Variants in FTCDNL1 observed in about 807,000 individuals in gnomAD.
FTCDNL1 encodes the protein formiminotransferase cyclodeaminase N-terminal like.
A neutral mutation model predicts 5.9 loss-of-function variants in FTCDNL1; 11 were observed. The ratio of observed to expected loss-of-function variants is 1.87; its 90% CI spans 1.18 to 3.10. FTCDNL1 has a LOEUF of 3.10. FTCDNL1 is among the 30% of genes most tolerant of loss of function. The pLI, the probability that FTCDNL1 is intolerant of heterozygous loss-of-function variation, is 0.00. For missense variants in FTCDNL1, 115 were observed against 65.5 expected (o/e 1.76, Z -2.61); for synonymous variants, 58 against 24.8 (o/e 2.34, Z -3.99).
At chr2:199,832,270 T>A (rs1156866080) in intron 3 of FTCDNL1, among the ~76,000 whole-genome samples, 1 of 152,202 alleles carries the variant, frequency 6.6e-6, no homozygotes, top group Non-Finnish European at 1.5e-5. Context: ...TATACTGTAC[T>A]CCATAACTCA....
chr2:199,705,114 T>C, the FTCDNL1 span, among the ~76,000 whole-genome samples: 1 of 152,098 alleles, frequency 6.6e-6, no homozygotes, highest in Non-Finnish European at 1.5e-5. Context: ...CATGGATTGC[T>C]CTAGGAAAGG....
chr2:199,697,521 A>G, the FTCDNL1 span, among the ~76,000 whole-genome samples: 2 of 152,220 alleles, frequency 1.3e-5, no homozygotes, highest in Non-Finnish European at 2.9e-5. Context: ...TTTCATATCC[A>G]GCCAAACTAA....
intron 3 of FTCDNL1, among the ~76,000 whole-genome samples, chr2:199,803,319 C>T (rs927939710): frequency 1.3e-5 from 2 of 151,918 alleles, no homozygotes; most frequent in African/African-American, 4.8e-5. Flanking sequence ...ATAAAACTGC[C>T]ATAGAGGGGT....
the FTCDNL1 span, among the ~76,000 whole-genome samples, chr2:199,676,522 A>T: frequency 6.6e-6 from 1 of 151,854 alleles, no homozygotes; most frequent in Non-Finnish European, 1.5e-5. Flanking sequence ...CCCCCAGTAT[A>T]TTTACACTTA....
intron 4 of FTCDNL1, among the ~76,000 whole-genome samples, chr2:199,815,522 T>C (rs1701298487): frequency 6.6e-6 from 1 of 152,132 alleles, no homozygotes; most frequent in Non-Finnish European, 1.5e-5. Flanking sequence ...GGGAAAAATA[T>C]GTTAGGAAAC....
intron 1 of FTCDNL1, among the ~76,000 whole-genome samples, chr2:199,849,558 A>C (rs1269885004): frequency 6.7e-6 from 1 of 149,516 alleles, no homozygotes; most frequent in Non-Finnish European, 1.5e-5. Context: ...AAATCAGTTT[A>C]AAGTCTTTTT....
chr2:199,826,360 A>G (rs957629767), intron 3 of FTCDNL1, among the ~76,000 whole-genome samples: 1 of 151,730 alleles, frequency 6.6e-6, no homozygotes, highest in East Asian at 1.9e-4. Context: ...CTTAATAGCT[A>G]TTTGGGAGAT....
chr2:199,783,876 T>C (rs1250670608), intron 3 of FTCDNL1, among the ~76,000 whole-genome samples: 1 of 152,128 alleles, frequency 6.6e-6, no homozygotes, highest in Admixed American at 6.5e-5. Flanking sequence ...TTTTGTATCA[T>C]GTTCAACCAT....
At chr2:199,727,479 A>G in the FTCDNL1 span, among the ~76,000 whole-genome samples, 1 of 152,188 alleles carries the variant, frequency 6.6e-6, no homozygotes, top group Non-Finnish European at 1.5e-5. Flanking sequence ...CTAACAGGGT[A>G]GCACAGTCAC....
chr2:199,691,160 CTTAT>C, the FTCDNL1 span, among the ~76,000 whole-genome samples: 2 of 152,120 alleles, frequency 1.3e-5, no homozygotes, highest in Admixed American at 6.5e-5. Flanking sequence ...CCAATTTTTA[CTTAT>C]TTATTTATTT....
intron 3 of FTCDNL1, among the ~76,000 whole-genome samples, chr2:199,801,804 G>T (rs62178292): frequency 6.6e-6 from 1 of 151,514 alleles, no homozygotes; most frequent in Non-Finnish European, 1.5e-5. Flanking sequence ...CAGGCGTAGC[G>T]CCGGGTGCCT....
At chr2:199,807,079 C>T (rs147446533), downstream of FTCDNL1, among the ~76,000 whole-genome samples, 22 of 152,286 alleles carry the variant, frequency 1.4e-4, no homozygotes, top group Admixed American at 5.9e-4. Context: ...AGAAAAGCTG[C>T]GTATGGGTCG....
chr2:199,741,017 C>T, the FTCDNL1 span, among the ~76,000 whole-genome samples: 1 of 152,246 alleles, frequency 6.6e-6, no homozygotes, highest in East Asian at 1.9e-4. Context: ...ACGGTCATGC[C>T]ACTCTATCAA....
At chr2:199,773,917 G>A (rs1698934844) in intron 3 of FTCDNL1, among the ~76,000 whole-genome samples, 1 of 152,164 alleles carries the variant, frequency 6.6e-6, no homozygotes, top group Admixed American at 6.5e-5. Flanking sequence ...CAGGTCCCTG[G>A]CTTACAGAGA....
the FTCDNL1 span, among the ~76,000 whole-genome samples, chr2:199,720,157 C>T: frequency 6.6e-6 from 1 of 152,022 alleles, no homozygotes; most frequent in Non-Finnish European, 1.5e-5. Flanking sequence ...ATGATCATAC[C>T]ATCAACAAAC....
the FTCDNL1 span, among the ~76,000 whole-genome samples, chr2:199,677,372 T>C: frequency 6.6e-6 from 1 of 152,180 alleles, no homozygotes; most frequent in African/African-American, 2.4e-5. Flanking sequence ...AAATCTTTCA[T>C]TTTCTGAGAC....
intron 4 of FTCDNL1, among the ~76,000 whole-genome samples, chr2:199,815,288 G>A (rs1387187146): frequency 6.6e-6 from 1 of 152,142 alleles, no homozygotes; most frequent in Non-Finnish European, 1.5e-5. Flanking sequence ...TCATTTCTGA[G>A]CTCACTTCTT....
the FTCDNL1 span, among the ~76,000 whole-genome samples, chr2:199,717,449 T>C: frequency 2.6e-5 from 4 of 151,076 alleles, no homozygotes; most frequent in African/African-American, 7.3e-5. Context: ...AATGTTTGTT[T>C]AGAATTGCTC....
At chr2:199,841,724 T>C (rs528718500) in intron 3 of FTCDNL1, among the ~76,000 whole-genome samples, 1 of 152,266 alleles carries the variant, frequency 6.6e-6, no homozygotes, top group African/African-American at 2.4e-5. Flanking sequence ...GTTATAACAT[T>C]ACCACACCAC....
Sources: allele counts gnomAD v4.1 joint callset (sites outside exome capture counted in the v4.1 genomes callset), GRCh38; gene constraint gnomAD v4.1.1; transcripts MANE v1.5; gene names NCBI Gene and HGNC (gene_info 2026-07-23, HGNC 2026-07-21).